Variants in DLGAP2 observed in about 807,000 individuals in gnomAD.
DLGAP2 encodes the protein disks large-associated protein 2.
DLGAP2 carries 26 observed loss-of-function variants against 100.3 expected under a neutral mutation model. That is an observed-to-expected ratio of 0.26 (90% CI 0.19 to 0.36). The LOEUF (loss-of-function observed/expected upper bound fraction) is 0.36. DLGAP2 is among the 10% of genes least tolerant of loss of function. The pLI is 1.00. For synonymous variants in DLGAP2, 886 were observed against 630.1 expected, an observed-to-expected ratio of 1.41 and a Z score of -6.08; for missense variants, 1,858 against 1,453.2, an observed-to-expected ratio of 1.28 and a Z score of -4.53.
intron 3 of DLGAP2, among the ~76,000 whole-genome samples, chr8:1,289,079 A>C (rs1341513208): frequency 3.3e-5 from 5 of 152,250 alleles, no homozygotes; most frequent in African/African-American, 1.2e-4. Context: ...TCTGTCTGGG[A>C]ACTGGCAATG....
intron 3 of DLGAP2, among the ~76,000 whole-genome samples, chr8:1,363,816 C>T (rs1223790965): frequency 2.0e-5 from 3 of 152,236 alleles, no homozygotes; most frequent in African/African-American, 7.2e-5. Flanking sequence ...GCGGGTGTGA[C>T]AGAGCCCGGC....
intron 2 of DLGAP2, among the ~76,000 whole-genome samples, chr8:1,073,111 T>A (rs1803485945): frequency 6.6e-6 from 1 of 152,244 alleles, no homozygotes; most frequent in African/African-American, 2.4e-5. Flanking sequence ...GTCTCGTAGC[T>A]GTTATTTTGA....
rs764106095 is a variant in DLGAP2, at chr8:1,626,836, G to A, written c.1539G>A (p.Gln513=). 9 of 1,607,264 alleles carry A rather than the reference G, an allele frequency of 5.6e-6. No individual in the cohort carries two copies. The highest frequency in any genetic ancestry group is 6.8e-6 in the Non-Finnish European group (8 of 1,177,102). ...YNSPKFRSRN[Q]SYMRAVSTLS... is the part of the protein sequence containing the mutation. Reference sequence around the variant, plus strand: ...CCCCGAAATTCCGCTCCCGGAACCAGAGCTACATGAGGGCCGTCAGCACCC... The same window carrying A: ...CCCCGAAATTCCGCTCCCGGAACCAAAGCTACATGAGGGCCGTCAGCACCC... The change falls in exon 7 of 15, where the codon CAG becomes CAA. Residue 513 remains glutamine (Q), a synonymous_variant. Transcript: ENST00000637795.
chr8:1,008,651 CG>C (rs1331618288), intron 2 of DLGAP2, among the ~76,000 whole-genome samples: 10 of 152,168 alleles, frequency 6.6e-5, no homozygotes, highest in Non-Finnish European at 1.5e-5. Context: ...CTTACTGTGC[CG>C]TAATTAAGCT....
Position 1,238,083 on chromosome 8 carries a change from G to A in DLGAP2, c.74-20768G>A, listed in dbSNP as rs372867022. Among the ~76,000 whole-genome samples the A allele has an allele frequency of 2.8e-3, 38 of 13,476 alleles. 12 individuals are homozygous for A. The highest frequency in any genetic ancestry group is 0.018 in the African/African-American group (36 of 1,954). The allele number at this position is 13,476 out of a possible 152,430, so 8.8% of individuals were successfully genotyped here. A position where few individuals can be genotyped will look rare whatever the true frequency, so the allele number is the denominator to read the frequency against. The stretch of plus-strand genomic sequence containing the variant: ...GTGTCTAGTTCTCTCACATGGCGCC[G>A]TGTCTAGTTCTCTCACATGGCGCCG... On this transcript the variant is annotated intron_variant, in intron 2 of 14. Coordinates refer to ENST00000637795, the MANE Select transcript of DLGAP2 (RefSeq NM_001346810.2).
At chr8:847,389 A>C (rs1042276066) in intron 1 of DLGAP2, among the ~76,000 whole-genome samples, 7 of 152,176 alleles carry the variant, frequency 4.6e-5, no homozygotes, top group Non-Finnish European at 1.0e-4. Flanking sequence ...AAAAGTTTTA[A>C]TATCAGTGTA....
At chr8:1,280,562 T>C (rs1799795346) in intron 3 of DLGAP2, among the ~76,000 whole-genome samples, 1 of 152,164 alleles carries the variant, frequency 6.6e-6, no homozygotes, top group Non-Finnish European at 1.5e-5. Context: ...GTTAAAGAAC[T>C]TCATGGGAGA....
chr8:1,591,847 C>T (rs919167815), intron 6 of DLGAP2, among the ~76,000 whole-genome samples: 2 of 152,182 alleles, frequency 1.3e-5, no homozygotes, highest in African/African-American at 4.8e-5. Context: ...CCTCGCTTGG[C>T]CTCTGCGTCA....
At chr8:998,244 A>T (rs1056865083) in intron 2 of DLGAP2, among the ~76,000 whole-genome samples, 1 of 152,208 alleles carries the variant, frequency 6.6e-6, no homozygotes, top group Non-Finnish European at 1.5e-5. Context: ...GCACTGCTCC[A>T]TCTGTGTCAT....
intron 2 of DLGAP2, among the ~76,000 whole-genome samples, chr8:1,027,618 G>A (rs1255820221): frequency 6.7e-6 from 1 of 148,316 alleles, no homozygotes; most frequent in African/African-American, 2.5e-5. Context: ...TCCAGGTGGG[G>A]TGTCAGGCGC....
chr8:1,246,169 C>A (rs962988766), intron 2 of DLGAP2, among the ~76,000 whole-genome samples: 8 of 152,052 alleles, frequency 5.3e-5, no homozygotes, highest in African/African-American at 1.9e-4. Context: ...ACTCCATAGC[C>A]CTTGGTCAAA....
Position 1,691,618 on chromosome 8 carries a change from C to A in DLGAP2, c.2788C>A (p.Gln930Lys), listed in dbSNP as rs768621533. 8 of 1,613,524 alleles carry A rather than the reference C, an allele frequency of 5.0e-6. No individual in the cohort carries two copies. The East Asian group carries it at 1.8e-4, about 36-fold the overall frequency. Residue 930 changes from glutamine to lysine, a missense_variant, in exon 13 of 15, where the codon CAG becomes AAG. Physicochemically the swap from Gln to Lys is moderately conservative, Grantham distance 53. Transcript: ENST00000637795. ...KFQQFYWLCQQNMDPSAMPRP... is the reference protein window; with the variant it reads ...KFQQFYWLCQKNMDPSAMPRP... ...CCAGCAGTTTTATTGGCTTTGCCAA[C>A]AGAATATGGTAAGTGAATCCTCAGT...
intron 2 of DLGAP2, among the ~76,000 whole-genome samples, chr8:965,964 G>A (rs1394875359): frequency 6.6e-6 from 1 of 152,230 alleles, no homozygotes; most frequent in African/African-American, 2.4e-5. Context: ...AAGCAGCCAG[G>A]TACCCTTCTC....
At chr8:1,542,331 A>T (rs1801390364) in intron 4 of DLGAP2, among the ~76,000 whole-genome samples, 1 of 152,236 alleles carries the variant, frequency 6.6e-6, no homozygotes, top group South Asian at 2.1e-4. Context: ...GGTATGTGCA[A>T]CCATCGCTCT....
At chr8:1,638,491 C>G (rs764095781) in intron 8 of DLGAP2, among the ~76,000 whole-genome samples, 1 of 152,006 alleles carries the variant, frequency 6.6e-6, no homozygotes. Flanking sequence ...CACGGGAGGA[C>G]TAACACGGGG....
intron 3 of DLGAP2, among the ~76,000 whole-genome samples, chr8:1,306,490 G>A (rs1033379197): frequency 1.3e-5 from 2 of 152,140 alleles, no homozygotes; most frequent in Admixed American, 6.6e-5. Flanking sequence ...GCTTACTGTT[G>A]TTAAGATGTC....
intron 3 of DLGAP2, among the ~76,000 whole-genome samples, chr8:1,497,407 C>G (rs528190019): frequency 6.6e-6 from 1 of 152,180 alleles, no homozygotes; most frequent in Non-Finnish European, 1.5e-5. Context: ...CAGAACGTCT[C>G]AGAGCGCAGA....
intron 3 of DLGAP2, among the ~76,000 whole-genome samples, chr8:1,427,674 G>A (rs1051976233): frequency 5.3e-5 from 8 of 152,158 alleles, no homozygotes; most frequent in Admixed American, 1.3e-4. Flanking sequence ...CATGAGATCT[G>A]ATGGTTTTAA....
At chr8:843,394 G>C (rs984844672) in intron 1 of DLGAP2, among the ~76,000 whole-genome samples, 1 of 152,202 alleles carries the variant, frequency 6.6e-6, no homozygotes, top group African/African-American at 2.4e-5. Context: ...GAGTTCACGG[G>C]GGCTGTCTTT....
Sources: allele counts gnomAD v4.1 joint callset (sites outside exome capture counted in the v4.1 genomes callset), GRCh38; gene constraint gnomAD v4.1.1; transcripts MANE v1.5; gene names NCBI Gene and HGNC (gene_info 2026-07-23, HGNC 2026-07-21).